DNAJC1: variants seen among roughly 807,000 people sequenced by gnomAD.
The protein encoded by DNAJC1 is DnaJ heat shock protein family (Hsp40) member C1.
A neutral mutation model predicts 76.6 loss-of-function variants in DNAJC1; 58 were observed. That is an observed-to-expected ratio of 0.76 (90% CI 0.61 to 0.94). The LOEUF is 0.94. Among genes scored for constraint, DNAJC1 ranks in the 40% least tolerant of loss-of-function variants. The pLI, the probability that DNAJC1 is intolerant of heterozygous loss-of-function variation, is 0.00. For synonymous variants in DNAJC1, 258 were observed against 267.9 expected (o/e 0.96, Z 0.36); for missense variants, 689 against 677.3 (o/e 1.02, Z -0.19).
At chr10:22,000,847 C>T (rs1838506548) in intron 1 of DNAJC1, among the ~76,000 whole-genome samples, 5 of 152,168 alleles carry the variant, frequency 3.3e-5, no homozygotes, top group Admixed American at 3.3e-4. Flanking sequence ...ACAGAATCTG[C>T]CGGTGCCTTA....
At chr10:21,956,880 A>G (rs1837695323) in intron 1 of DNAJC1, among the ~76,000 whole-genome samples, 1 of 150,754 alleles carries the variant, frequency 6.6e-6, no homozygotes, top group African/African-American at 2.4e-5. Flanking sequence ...TTCTTTTCAG[A>G]CAATTCTTAT....
chr10:21,828,163 A>G (rs1400239508), intron 8 of DNAJC1, among the ~76,000 whole-genome samples: 1 of 152,238 alleles, frequency 6.6e-6, no homozygotes, highest in Non-Finnish European at 1.5e-5. Context: ...TGAAAATCTC[A>G]GTGTATAAAA....
chr10:21,828,929 A>G (rs897211982), intron 8 of DNAJC1, among the ~76,000 whole-genome samples: 1 of 152,190 alleles, frequency 6.6e-6, no homozygotes, highest in Admixed American at 6.5e-5. Context: ...CTGCTCCTTG[A>G]AAGTGTGGTA....
chr10:21,924,090 A>C (rs1837081526), intron 3 of DNAJC1, among the ~76,000 whole-genome samples: 1 of 152,052 alleles, frequency 6.6e-6, no homozygotes, highest in South Asian at 2.1e-4. Context: ...ACTTGTACAA[A>C]GATTATAAAC....
At chr10:21,926,886 TTTATATA>T (rs1418031622) in intron 3 of DNAJC1, among the ~76,000 whole-genome samples, 1 of 152,198 alleles carries the variant, frequency 6.6e-6, no homozygotes, top group East Asian at 1.9e-4. Context: ...GAAGAAACAA[TTTATATA>T]TGAGAAGTGA....
intron 8 of DNAJC1, among the ~76,000 whole-genome samples, chr10:21,853,219 T>A (rs1431965937): frequency 6.6e-6 from 1 of 152,232 alleles, no homozygotes; most frequent in Non-Finnish European, 1.5e-5. Flanking sequence ...GAAGTCATTC[T>A]GGCCTGCTAT....
Position 22,003,521 on chromosome 10 carries a change from G to C in DNAJC1, c.-87C>G. The C allele has an allele frequency of 6.3e-6, 8 of 1,266,788 alleles. No individual in the cohort carries two copies. In the South Asian group the frequency reaches 2.2e-4, roughly 35 times the overall value. The allele number at this position is 1,266,788 out of a possible 1,614,324, so 78.5% of individuals were successfully genotyped here. A position where few individuals can be genotyped will look rare whatever the true frequency, so the allele number is the denominator to read the frequency against. On this transcript the variant is annotated 5_prime_UTR_variant, in exon 1 of 12. Transcript: ENST00000376980. ...CGGGCGGCGCTGGCTGTGGGGAACA[G>C]CGCCTGTCAGTGAAAAGCGCGGGCA...
chr10:21,967,451 T>C (rs569149780), intron 1 of DNAJC1, among the ~76,000 whole-genome samples: 48 of 152,312 alleles, frequency 3.2e-4, no homozygotes, highest in Admixed American at 8.5e-4. Context: ...TCATCCTCTG[T>C]TTTTCCTGTC....
intron 1 of DNAJC1, among the ~76,000 whole-genome samples, chr10:21,960,505 A>G (rs1837772312): frequency 6.6e-6 from 1 of 152,176 alleles, no homozygotes; most frequent in African/African-American, 2.4e-5. Flanking sequence ...TGAGCCCAGG[A>G]GTTAAAGACC....
rs1278984535 is a variant in DNAJC1 at position 21,774,152 on chromosome 10, A to C, written c.1099-7843T>G. Among the ~76,000 whole-genome samples, 3 of 152,016 alleles carry C rather than the reference A, an allele frequency of 2.0e-5. No homozygotes were observed. The East Asian group carries it at 5.8e-4, about 29-fold the overall frequency. ...CGAGACTCCGTCTCAAAAAAAAAAA[A>C]AAAAAAAGATGTATAAAGATACAGA... On this transcript the variant is annotated intron_variant, in intron 9 of 11. Coordinates refer to ENST00000376980, the MANE Select transcript of DNAJC1 (RefSeq NM_022365.4).
chr10:21,983,086 A>G (rs369123783), intron 1 of DNAJC1, among the ~76,000 whole-genome samples: 1 of 152,192 alleles, frequency 6.6e-6, no homozygotes, highest in African/African-American at 2.4e-5. Flanking sequence ...TAGAATTACT[A>G]TATGATCCAG....
At chr10:22,002,911 C>T (rs1838545204) in intron 1 of DNAJC1, among the ~76,000 whole-genome samples, 1 of 152,050 alleles carries the variant, frequency 6.6e-6, no homozygotes, top group East Asian at 1.9e-4. Context: ...TCCAGCACAG[C>T]TGGAGGGGGA....
chr10:21,921,732 TA>T (rs1837045157), intron 3 of DNAJC1, among the ~76,000 whole-genome samples: 1 of 152,198 alleles, frequency 6.6e-6, no homozygotes, highest in Admixed American at 6.5e-5. Context: ...TGATGCATTT[TA>T]AATCAGCTTT....
chr10:21,887,221 A>C (rs192597889), intron 7 of DNAJC1, among the ~76,000 whole-genome samples: 28 of 152,090 alleles, frequency 1.8e-4, no homozygotes, highest in Non-Finnish European at 1.2e-4. Context: ...TACAAAACTC[A>C]AATAAAGAAA....
At chr10:21,898,082 C>T (rs969065043) in intron 7 of DNAJC1, among the ~76,000 whole-genome samples, 51 of 152,030 alleles carry the variant, frequency 3.4e-4, no homozygotes, top group Admixed American at 3.2e-3. Context: ...AGTGAACATG[C>T]GGAAACTGAA....
intron 6 of DNAJC1, among the ~76,000 whole-genome samples, chr10:21,916,790 G>C (rs1219582797): frequency 6.6e-6 from 1 of 152,046 alleles, no homozygotes; most frequent in Non-Finnish European, 1.5e-5. Context: ...GTATTGTTTT[G>C]CTAATGTATT....
chr10:21,776,788 C>A (rs1471733534), intron 9 of DNAJC1, among the ~76,000 whole-genome samples: 6 of 152,170 alleles, frequency 3.9e-5, no homozygotes, highest in Non-Finnish European at 8.8e-5. Context: ...TAACTGATTA[C>A]CTCTATAAGC....
Position 21,828,313 on chromosome 10 carries a change from C to A in DNAJC1, c.979-22214G>T, listed in dbSNP as rs545817398. ...ATTTAACAGATCAGAAACTTAGAATCAAAAAATAAGGCAACTTTCCTAATG... is the reference window on the plus strand; with the variant it reads ...ATTTAACAGATCAGAAACTTAGAATAAAAAAATAAGGCAACTTTCCTAATG... On this transcript the variant is annotated intron_variant, in intron 8 of 11. Coordinates refer to ENST00000376980, the MANE Select transcript of DNAJC1 (RefSeq NM_022365.4). Among the ~76,000 whole-genome samples the A allele has an allele frequency of 1.3e-4, 20 of 152,160 alleles. 1 individual carries two copies. The highest frequency in any genetic ancestry group is 4.1e-4 in the South Asian group (2 of 4,822).
chr10:21,923,299 A>T (rs1033040810), intron 3 of DNAJC1, among the ~76,000 whole-genome samples: 7 of 151,992 alleles, frequency 4.6e-5, no homozygotes, highest in African/African-American at 1.7e-4. Flanking sequence ...TTCATTTTTT[A>T]GAATATATGC....
Sources: allele counts gnomAD v4.1 joint callset (sites outside exome capture counted in the v4.1 genomes callset), GRCh38; gene constraint gnomAD v4.1.1; transcripts MANE v1.5; gene names NCBI Gene and HGNC (gene_info 2026-07-23, HGNC 2026-07-21).